Variants in ATP8B4 observed in about 807,000 individuals in gnomAD.
The protein encoded by ATP8B4 is ATPase phospholipid transporting 8B4 (putative).
A neutral mutation model predicts 145.6 loss-of-function variants in ATP8B4; 133 were observed. That is an observed-to-expected ratio of 0.91 (90% CI 0.79 to 1.05). The LOEUF (loss-of-function observed/expected upper bound fraction) is 1.05, where lower values mean the gene tolerates loss of function less well. Among genes scored for constraint, ATP8B4 ranks in the 50% least tolerant of loss-of-function variants. The pLI, the probability that ATP8B4 is intolerant of heterozygous loss-of-function variation, is 0.00. For synonymous variants in ATP8B4, 507 were observed against 492.9 expected (o/e 1.03, Z -0.38); for missense variants, 1,458 against 1,425.2 (o/e 1.02, Z -0.37).
chr15:50,041,895 G>A (rs903348861), intron 5 of ATP8B4, among the ~76,000 whole-genome samples: 3 of 150,948 alleles, frequency 2.0e-5, no homozygotes, highest in African/African-American at 4.9e-5. Flanking sequence ...AGCCAAGATT[G>A]CGCCACTGCA....
intron 1 of ATP8B4, among the ~76,000 whole-genome samples, chr15:50,135,052 T>G (rs1338075786): frequency 2.0e-5 from 3 of 152,226 alleles, no homozygotes; most frequent in Non-Finnish European, 2.9e-5. Flanking sequence ...AATGTTCAAG[T>G]GGGTTGTCTA....
At chr15:50,012,129 C>T (rs1029950463) in intron 6 of ATP8B4, among the ~76,000 whole-genome samples, 3 of 152,138 alleles carry the variant, frequency 2.0e-5, no homozygotes, top group Non-Finnish European at 2.9e-5. Flanking sequence ...CTTTTCTGAA[C>T]TTTAACTAGT....
intron 6 of ATP8B4, among the ~76,000 whole-genome samples, chr15:50,011,336 T>C (rs2048709097): frequency 6.6e-6 from 1 of 152,166 alleles, no homozygotes; most frequent in Admixed American, 6.5e-5. Flanking sequence ...AGTGGCAAGG[T>C]AGAGCAATAA....
chr15:49,958,294 A>T (rs996424766), intron 14 of ATP8B4, among the ~76,000 whole-genome samples: 2 of 151,628 alleles, frequency 1.3e-5, no homozygotes, highest in Non-Finnish European at 3.0e-5. Flanking sequence ...GAAATTGTTA[A>T]CCTTAAATAT....
intron 6 of ATP8B4, among the ~76,000 whole-genome samples, chr15:50,029,277 T>G (rs1000397327): frequency 1.4e-5 from 2 of 141,382 alleles, no homozygotes; most frequent in Non-Finnish European, 3.1e-5. Flanking sequence ...ACAGCAGAAT[T>G]TTATTCTCTT....
chr15:49,972,357 T>A (rs1274601568), intron 13 of ATP8B4, among the ~76,000 whole-genome samples: 2 of 152,148 alleles, frequency 1.3e-5, no homozygotes, highest in Non-Finnish European at 2.9e-5. Context: ...TGAATGGCAA[T>A]AAATCCAAAG....
intron 6 of ATP8B4, among the ~76,000 whole-genome samples, chr15:50,023,532 C>T (rs1197230406): frequency 6.6e-6 from 1 of 151,984 alleles, no homozygotes; most frequent in African/African-American, 2.4e-5. Flanking sequence ...TTAATAGGGC[C>T]TCTGTTGCTT....
At chr15:50,042,154 T>TAAA (rs34554435) in intron 5 of ATP8B4, among the ~76,000 whole-genome samples, 4 of 134,862 alleles carry the variant, frequency 3.0e-5, no homozygotes, top group Admixed American at 7.4e-5. Flanking sequence ...GACTCTGTCT[T>TAAA]AAAAAAAAAA....
chr15:50,127,289 C>A (rs1427698274), intron 1 of ATP8B4, among the ~76,000 whole-genome samples: 1 of 152,200 alleles, frequency 6.6e-6, no homozygotes, highest in Non-Finnish European at 1.5e-5. Context: ...ATAAATGCTT[C>A]ACTTTTCCTC....
intron 3 of ATP8B4, among the ~76,000 whole-genome samples, chr15:50,056,606 T>C (rs892314222): frequency 6.6e-6 from 1 of 152,006 alleles, no homozygotes; most frequent in African/African-American, 2.4e-5. Flanking sequence ...CTTTGGGCTA[T>C]GAGAAATAAA....
chr15:50,142,973 G>C (rs921014470), intron 1 of ATP8B4, among the ~76,000 whole-genome samples: 2 of 152,222 alleles, frequency 1.3e-5, no homozygotes, highest in African/African-American at 4.8e-5. Context: ...ATAGGAAGGA[G>C]TTAAGAATGA....
At chr15:50,181,667 A>C (rs573316551) in intron 1 of ATP8B4, among the ~76,000 whole-genome samples, 1 of 152,198 alleles carries the variant, frequency 6.6e-6, no homozygotes, top group Non-Finnish European at 1.5e-5. Flanking sequence ...CGTGACTGCC[A>C]CAGGCATTTC....
At chr15:49,934,998 C>T (rs1212419648) in intron 14 of ATP8B4, among the ~76,000 whole-genome samples, 1 of 150,322 alleles carries the variant, frequency 6.7e-6, no homozygotes, top group Non-Finnish European at 1.5e-5. Flanking sequence ...ACTGCATTAA[C>T]TTTTGCAATT....
At chr15:49,869,851 G>A (rs2033407200) in intron 25 of ATP8B4, among the ~76,000 whole-genome samples, 1 of 152,082 alleles carries the variant, frequency 6.6e-6, no homozygotes, top group African/African-American at 2.4e-5. Flanking sequence ...TTTTTAAAGT[G>A]TCTGTCATTT....
intron 1 of ATP8B4, among the ~76,000 whole-genome samples, chr15:50,115,073 G>T (rs987115222): frequency 6.6e-6 from 1 of 152,214 alleles, no homozygotes; most frequent in Admixed American, 6.5e-5. Context: ...GCTCACACCT[G>T]TAATCCCAAC....
At chr15:50,066,170 A>C (rs1331291924) in intron 3 of ATP8B4, among the ~76,000 whole-genome samples, 3 of 152,110 alleles carry the variant, frequency 2.0e-5, no homozygotes, top group Non-Finnish European at 2.9e-5. Context: ...AATTTGAGAG[A>C]TATCCAAAAA....
At chr15:49,917,492 A>T (rs1278724413) in intron 19 of ATP8B4, among the ~76,000 whole-genome samples, 1 of 151,556 alleles carries the variant, frequency 6.6e-6, no homozygotes, top group East Asian at 1.9e-4. Flanking sequence ...CAGTTGAATG[A>T]CAAAAAAAAA....
chr15:49,967,601 C>T (rs2044673677), intron 13 of ATP8B4, among the ~76,000 whole-genome samples: 1 of 152,056 alleles, frequency 6.6e-6, no homozygotes, highest in Admixed American at 6.6e-5. Flanking sequence ...ACGAATAAAG[C>T]CTCCAAGAAA....
chr15:50,028,247 T>G (rs1371708393), intron 6 of ATP8B4, among the ~76,000 whole-genome samples: 1 of 152,234 alleles, frequency 6.6e-6, no homozygotes, highest in Non-Finnish European at 1.5e-5. Context: ...CTATGCTGTC[T>G]GCCTCTATCT....
Sources: gnomAD v4.1 joint callset for allele counts (sites outside exome capture counted in the v4.1 genomes callset) on GRCh38, gnomAD v4.1.1 for gene constraint, MANE v1.5 for transcripts, NCBI Gene and HGNC (gene_info 2026-07-23, HGNC 2026-07-21) for gene names.